CSRP1: variants seen among roughly 807,000 people sequenced by gnomAD.
CSRP1 encodes the protein cysteine and glycine-rich protein 1.
In CSRP1, 16 loss-of-function variants were observed where a neutral mutation model predicts 25.4. The observed-to-expected ratio is 0.63, with a 90% CI of 0.43 to 0.96. The LOEUF (loss-of-function observed/expected upper bound fraction) is 0.96. Among genes scored for constraint, CSRP1 ranks in the 40% least tolerant of loss-of-function variants. The probability of loss-of-function intolerance (pLI) is 0.00; values close to 1 mark genes in which losing one functional copy is unlikely to be tolerated. For missense variants in CSRP1, 212 were observed against 243.6 expected, an observed-to-expected ratio of 0.87 and a Z score of 0.86; for synonymous variants, 97 against 95.3, an observed-to-expected ratio of 1.02 and a Z score of -0.10.
At chr1:201,494,693 T>G (rs76328368) in intron 2 of CSRP1, among the ~76,000 whole-genome samples, 3,949 of 152,224 alleles carry the variant, frequency 0.026, 170 homozygotes, top group African/African-American at 0.088. Context: ...GGAGCACAAA[T>G]CATGAAACTT....
At chr1:201,489,457 G>A (rs1439458357) in intron 3 of CSRP1, 1 of 177,902 alleles carries the variant, frequency 5.6e-6, no homozygotes, top group Non-Finnish European at 1.2e-5. Context: ...GCCAGGGAGT[G>A]CCGTGGGGTG....
At chr1:201,505,227 C>G (rs925106640) in intron 1 of CSRP1, among the ~76,000 whole-genome samples, 1 of 152,184 alleles carries the variant, frequency 6.6e-6, no homozygotes, top group African/African-American at 2.4e-5. Flanking sequence ...CGTAGGCCAA[C>G]TCAGCTGAAA....
intron 2 of CSRP1, among the ~76,000 whole-genome samples, chr1:201,493,440 T>C (rs1159580620): frequency 6.6e-6 from 1 of 152,252 alleles, no homozygotes; most frequent in Non-Finnish European, 1.5e-5. Context: ...CTGATGGTTA[T>C]ATAAATGGGA....
chr1:201,489,115 G>A, intron 3 of CSRP1, 131 bp from the exon 4 acceptor site: 1 of 1,181,808 alleles, frequency 8.5e-7, no homozygotes, highest in Non-Finnish European at 1.2e-6. Flanking sequence ...AAGTCACAAA[G>A]GCTAGGGCCT....
At chr1:201,501,827 TA>T (rs2102415683) in intron 1 of CSRP1, among the ~76,000 whole-genome samples, 1 of 152,004 alleles carries the variant, frequency 6.6e-6, no homozygotes, top group African/African-American at 2.4e-5. Context: ...ACCCCATCTT[TA>T]ATAAAAATAC....
intron 5 of CSRP1, 39 bp from the exon 6 acceptor site, chr1:201,484,828 C>T (rs1461534204): frequency 1.3e-6 from 2 of 1,543,064 alleles, no homozygotes; most frequent in Non-Finnish European, 1.8e-6. Flanking sequence ...TGTTCTTCCT[C>T]CACCCCCAGC....
chr1:201,486,906 C>A, intron 4 of CSRP1: 2 of 1,255,604 alleles, frequency 1.6e-6, no homozygotes, highest in Non-Finnish European at 2.1e-6. Context: ...ATTTTCTATT[C>A]TCATAATGAG....
At chr1:201,486,353 A>G (rs1370493263) in intron 4 of CSRP1, 20 of 985,406 alleles carry the variant, frequency 2.0e-5, no homozygotes, top group Non-Finnish European at 2.4e-5. Context: ...TGCTTAACCC[A>G]GGAAAAGCAA....
rs1260070028 is a variant in CSRP1, at chr1:201,484,605, T to A, written c.*108A>T. 1 of 1,062,662 alleles carries A rather than the reference T, an allele frequency of 9.4e-7. No individual in the cohort carries two copies. Among genetic ancestry groups the A allele is most frequent in the Non-Finnish European group, 1.4e-6 (1 of 721,462 alleles). 65.8% of individuals were successfully genotyped at this position (1,062,662 alleles called of 1,614,324 possible). A position where few individuals can be genotyped will look rare whatever the true frequency, so the allele number is the denominator to read the frequency against. ...GCCCAAGTTCAAGTCATTAGTGATA[T>A]GTGGCAGGGCTGACAGAGAAATAAT... is the stretch of plus-strand genomic sequence containing the variant. On this transcript the variant is annotated 3_prime_UTR_variant, in exon 6 of 6. Transcript: ENST00000340006.
chr1:201,489,969 A>C (rs1664277242), intron 3 of CSRP1: 2 of 521,058 alleles, frequency 3.8e-6, no homozygotes, highest in Admixed American at 3.1e-5. Flanking sequence ...CCTTGCAGGG[A>C]GGAGCCCAGC....
chr1:201,489,974 C>G, intron 3 of CSRP1: 1 of 532,522 alleles, frequency 1.9e-6, no homozygotes, highest in Non-Finnish European at 3.3e-6. Flanking sequence ...CAGGGAGGAG[C>G]CCAGCCTGTT....
rs755432777 is a variant in CSRP1, at chr1:201,484,767, C to A, written c.528G>T (p.Gly176=). The stretch of plus-strand genomic sequence containing the variant: ...CTTGCCCAAAACCAAAGCCCTTGGG[C>A]CCGAAGTTTTTAGCATAACATCCTG... ...YCKGCYAKNF[G]PKGFGFGQGA... The change falls in exon 6 of 6, where the codon GGG becomes GGT. Residue 176 remains glycine (G), a synonymous_variant. Coordinates refer to ENST00000340006, the MANE Select transcript of CSRP1 (RefSeq NM_004078.3). 3.7e-6 allele frequency: 6 copies of A among 1,611,992 alleles called. 1 individual carries two copies. The South Asian group carries it at 4.4e-5, about 12-fold the overall frequency.
At chr1:201,496,677 T>C in intron 1 of CSRP1, 1 of 229,704 alleles carries the variant, frequency 4.4e-6, no homozygotes, top group Non-Finnish European at 8.6e-6. Context: ...TCAAAGAGAA[T>C]GTGGAAGAAG....
At chr1:201,496,016 C>T in intron 2 of CSRP1, 176 bp downstream of exon 2, 2 of 583,240 alleles carry the variant, frequency 3.4e-6, no homozygotes, top group South Asian at 4.5e-5. Flanking sequence ...AAAGAAGCTT[C>T]TGAACGGAAC....
At chr1:201,488,828 C>T (rs1220999855) in intron 4 of CSRP1, 27 bp downstream of exon 4, 1 of 1,608,900 alleles carries the variant, frequency 6.2e-7, no homozygotes, top group African/African-American at 1.3e-5. Flanking sequence ...CTCCCCCCAT[C>T]CCTCTCATGC....
intron 2 of CSRP1, among the ~76,000 whole-genome samples, chr1:201,495,397 C>T (rs1664479754): frequency 6.6e-6 from 1 of 152,136 alleles, no homozygotes; most frequent in Non-Finnish European, 1.5e-5. Context: ...GAAAATGCAC[C>T]TTGCTGAAGT....
intron 2 of CSRP1, chr1:201,491,218 C>T (rs1034619737): frequency 6.6e-6 from 1 of 152,064 alleles, no homozygotes; most frequent in East Asian, 1.9e-4. Flanking sequence ...ATTACTTGAG[C>T]CCAGGAGTTT....
chr1:201,504,324 A>G (rs529935895), intron 1 of CSRP1, among the ~76,000 whole-genome samples: 24 of 152,346 alleles, frequency 1.6e-4, no homozygotes, highest in African/African-American at 5.1e-4. Flanking sequence ...ACACATGTGA[A>G]GTATTTCTCA....
intron 1 of CSRP1, 45 bp from the exon 2 acceptor site, chr1:201,496,349 G>T: frequency 7.1e-7 from 1 of 1,405,578 alleles, no homozygotes; most frequent in Non-Finnish European, 1.0e-6. Flanking sequence ...CAGGGAGATG[G>T]AAACATCTCA....
Sources: allele counts gnomAD v4.1 joint callset (sites outside exome capture counted in the v4.1 genomes callset), GRCh38; gene constraint gnomAD v4.1.1; transcripts MANE v1.5; gene names NCBI Gene and HGNC (gene_info 2026-07-23, HGNC 2026-07-21).